Variants in PRKN observed in about 807,000 individuals in gnomAD.
The protein encoded by PRKN is E3 ubiquitin-protein ligase parkin.
PRKN carries 56 observed loss-of-function variants against 59.5 expected under a neutral mutation model. That is an observed-to-expected ratio of 0.94 (90% CI 0.76 to 1.18). The LOEUF is 1.18. Among genes scored for constraint, PRKN ranks in the 50% most tolerant of loss-of-function variants. The probability of loss-of-function intolerance (pLI) is 0.00; values close to 1 mark genes in which losing one functional copy is unlikely to be tolerated. For missense variants in PRKN, 657 were observed against 596.4 expected, an observed-to-expected ratio of 1.10 and a Z score of -1.06; for synonymous variants, 250 against 222.1, an observed-to-expected ratio of 1.13 and a Z score of -1.12.
At chr6:161,892,894 G>A (rs1243946804) in intron 6 of PRKN, among the ~76,000 whole-genome samples, 1 of 152,228 alleles carries the variant, frequency 6.6e-6, no homozygotes, top group East Asian at 1.9e-4. Flanking sequence ...CCAGGCTGGA[G>A]TGCAGTGGTG....
intron 2 of PRKN, among the ~76,000 whole-genome samples, chr6:162,402,289 G>A (rs367874716): frequency 2.0e-5 from 3 of 151,226 alleles, no homozygotes; most frequent in African/African-American, 7.3e-5. Context: ...GTGTCATTCC[G>A]ATAAGCAGTA....
chr6:161,979,593 A>T (rs1323845240), intron 5 of PRKN, among the ~76,000 whole-genome samples: 4 of 152,204 alleles, frequency 2.6e-5, no homozygotes, highest in Non-Finnish European at 5.9e-5. Flanking sequence ...CTTCATTAGT[A>T]TTAAATGGAA....
intron 2 of PRKN, among the ~76,000 whole-genome samples, chr6:162,374,390 GTTTTTT>G (rs35660808): frequency 1.4e-5 from 2 of 144,446 alleles, no homozygotes; most frequent in Non-Finnish European, 3.1e-5. Context: ...GTCTGCTATA[GTTTTTT>G]TTTTTTTTTA....
intron 5 of PRKN, among the ~76,000 whole-genome samples, chr6:162,011,806 A>G (rs900057486): frequency 6.5e-4 from 99 of 151,826 alleles, no homozygotes; most frequent in Non-Finnish European, 1.3e-3. Flanking sequence ...CTGAAAGTGC[A>G]TAAACCTTTA....
At chr6:162,252,055 C>T (rs1779457762) in intron 3 of PRKN, among the ~76,000 whole-genome samples, 1 of 152,046 alleles carries the variant, frequency 6.6e-6, no homozygotes, top group African/African-American at 2.4e-5. Context: ...TAAAATAATT[C>T]CCTATCAGTT....
At chr6:162,070,735 C>G (rs548210798) in intron 4 of PRKN, among the ~76,000 whole-genome samples, 49 of 152,272 alleles carry the variant, frequency 3.2e-4, no homozygotes, top group Non-Finnish European at 6.0e-4. Flanking sequence ...CTAGATCCCC[C>G]ACATGCACAG....
intron 7 of PRKN, among the ~76,000 whole-genome samples, chr6:161,717,928 G>C (rs1345756845): frequency 6.6e-6 from 1 of 152,154 alleles, no homozygotes; most frequent in Non-Finnish European, 1.5e-5. Flanking sequence ...TTGTGCATGA[G>C]AGTGAAGAGG....
intron 5 of PRKN, among the ~76,000 whole-genome samples, chr6:162,012,669 T>C (rs1782779177): frequency 6.6e-6 from 1 of 152,156 alleles, no homozygotes; most frequent in African/African-American, 2.4e-5. Context: ...CAATTATATC[T>C]GTAACACCCA....
Position 161,409,984 on chromosome 6 carries a change from T to C in PRKN, c.1084-23107A>G, listed in dbSNP as rs553700276. The stretch of plus-strand genomic sequence containing the variant: ...AACAGGAAGATTAAATTCTGTCTCA[T>C]GTGTATCATGAATAAAAGTGCTAAG... On this transcript the variant is annotated intron_variant, in intron 9 of 11. Coordinates refer to ENST00000366898, the MANE Select transcript of PRKN (RefSeq NM_004562.3). This position sits in a 1 kb window ranked among gnomAD's most constrained non-coding sequence, Gnocchi z 4.6. Among the ~76,000 whole-genome samples, 1 of 152,312 alleles carries C rather than the reference T, an allele frequency of 6.6e-6. No individual in the cohort carries two copies. The highest frequency in any genetic ancestry group is 1.9e-4 in the East Asian group (1 of 5,194).
At chr6:161,972,633 G>A (rs1035986414) in intron 6 of PRKN, among the ~76,000 whole-genome samples, 38 of 152,228 alleles carry the variant, frequency 2.5e-4, no homozygotes, top group African/African-American at 8.4e-4. Context: ...GAATGTGTGC[G>A]AAGCCTCAGC....
chr6:162,380,482 TGTATATATACACAC>T (rs1224547470), intron 2 of PRKN, among the ~76,000 whole-genome samples: 9 of 44,216 alleles, frequency 2.0e-4, no homozygotes, highest in African/African-American at 2.4e-4. Context: ...TGTATATATA[TGTATATATACACAC>T]ATATATATGT....
intron 3 of PRKN, among the ~76,000 whole-genome samples, chr6:162,210,951 CTCT>C (rs1313947039): frequency 6.6e-6 from 1 of 152,166 alleles, no homozygotes; most frequent in African/African-American, 2.4e-5. Flanking sequence ...TTTGCATCCA[CTCT>C]TCTTTGAAAG....
At chr6:162,582,655 G>C (rs949936546) in intron 1 of PRKN, among the ~76,000 whole-genome samples, 4 of 152,154 alleles carry the variant, frequency 2.6e-5, no homozygotes, top group Non-Finnish European at 5.9e-5. Flanking sequence ...AATGAACAGA[G>C]TCCAAGTCTG....
chr6:161,876,139 CCAAA>C (rs572226380), intron 6 of PRKN, among the ~76,000 whole-genome samples: 142 of 152,210 alleles, frequency 9.3e-4, no homozygotes, highest in Non-Finnish European at 1.7e-3. Flanking sequence ...TCATTAGTTA[CCAAA>C]CAAATATAAA....
At chr6:161,519,726 G>A (rs1056869261) in intron 9 of PRKN, among the ~76,000 whole-genome samples, 1 of 152,190 alleles carries the variant, frequency 6.6e-6, no homozygotes, top group Non-Finnish European at 1.5e-5. Context: ...CCATTTATGT[G>A]CAAGGTAAGA....
rs1787670216 is a variant in PRKN at position 161,413,199 on chromosome 6, T to C, written c.1084-26322A>G. Among the ~76,000 whole-genome samples the C allele has an allele frequency of 6.6e-6, 1 of 152,012 alleles. No individual in the cohort carries two copies. The highest frequency in any genetic ancestry group is 1.5e-5 in the Non-Finnish European group (1 of 67,994). On this transcript the variant is annotated intron_variant, in intron 9 of 11. Coordinates refer to ENST00000366898, the MANE Select transcript of PRKN (RefSeq NM_004562.3). The surrounding 1 kb of genome is among the most constrained non-coding windows in gnomAD (Gnocchi z 4.4). ...TTTAGGGTCGTGGGACCCCTTCCCA[T>C]TTATTTGTGGAAACCCACTGTCTCC...
At chr6:161,796,710 T>C (rs1790865295) in intron 6 of PRKN, among the ~76,000 whole-genome samples, 1 of 152,204 alleles carries the variant, frequency 6.6e-6, no homozygotes, top group African/African-American at 2.4e-5. Context: ...GGTCACATTC[T>C]ATTCAGACTG....
intron 2 of PRKN, among the ~76,000 whole-genome samples, chr6:162,375,302 G>C: frequency 6.6e-6 from 1 of 152,118 alleles, no homozygotes; most frequent in East Asian, 1.9e-4. Context: ...TGAGTAACCA[G>C]GGTCTCAAGC....
At position 161,592,079 on chromosome 6, in the gene PRKN, T is replaced by C. The variant is rs375510972; in HGVS notation, c.872-22663A>G. 3.9e-5 allele frequency among the ~76,000 whole-genome samples: 6 copies of C among 152,360 alleles called. No individual in the cohort carries two copies. Among genetic ancestry groups the C allele is most frequent in the African/African-American group, 1.4e-4 (6 of 41,592 alleles). On this transcript the variant is annotated intron_variant, in intron 7 of 11. Coordinates refer to ENST00000366898, the MANE Select transcript of PRKN (RefSeq NM_004562.3). The surrounding 1 kb of genome is among the most constrained non-coding windows in gnomAD (Gnocchi z 4.8). ...AAATCATCCCTAGATTATGTATATC[T>C]AATACAAAGTCAATGCTATGTAAAT...
Sources: allele counts gnomAD v4.1 joint callset (sites outside exome capture counted in the v4.1 genomes callset), GRCh38; gene constraint gnomAD v4.1.1; non-coding constraint Gnocchi (gnomAD v3.1); transcripts MANE v1.5; gene names NCBI Gene and HGNC (gene_info 2026-07-23, HGNC 2026-07-21).